KCNH8: variants seen among roughly 807,000 people sequenced by gnomAD.
The protein encoded by KCNH8 is potassium voltage-gated channel subfamily H member 8.
In KCNH8, 70 loss-of-function variants were observed where a neutral mutation model predicts 103.6. The ratio of observed to expected loss-of-function variants is 0.68; its 90% CI spans 0.56 to 0.82. The LOEUF (loss-of-function observed/expected upper bound fraction) is 0.82, where lower values mean the gene tolerates loss of function less well. KCNH8 is among the 40% of genes least tolerant of loss of function. KCNH8 has a pLI of 0.00. For synonymous variants in KCNH8, 498 were observed against 489.4 expected (o/e 1.02, Z -0.23); for missense variants, 1,217 against 1,329.9 (o/e 0.92, Z 1.32).
At chr3:19,500,900 A>G (rs2068566657) in intron 11 of KCNH8, among the ~76,000 whole-genome samples, 1 of 152,158 alleles carries the variant, frequency 6.6e-6, no homozygotes, top group African/African-American at 2.4e-5. Flanking sequence ...TTCAAAAGCT[A>G]GCAGAAGGCA....
chr3:19,198,104 G>A (rs983020203), intron 1 of KCNH8, among the ~76,000 whole-genome samples: 1 of 152,000 alleles, frequency 6.6e-6, no homozygotes, highest in Non-Finnish European at 1.5e-5. Flanking sequence ...AACATTTATT[G>A]AGTATTCGTC....
chr3:19,454,361 T>C (rs540502551), intron 10 of KCNH8, among the ~76,000 whole-genome samples: 15 of 152,136 alleles, frequency 9.9e-5, no homozygotes, highest in Non-Finnish European at 1.9e-4. Context: ...TTTTTATTGA[T>C]TTTCCTTAGT....
intron 3 of KCNH8, among the ~76,000 whole-genome samples, chr3:19,340,359 T>TAA (rs1553639404): frequency 1.4e-4 from 9 of 63,384 alleles, no homozygotes; most frequent in African/African-American, 3.2e-4. Flanking sequence ...TTTTTTTAAT[T>TAA]TTTTTTTTTT....
chr3:19,203,961 T>C (rs1456489012), intron 1 of KCNH8, among the ~76,000 whole-genome samples: 1 of 152,154 alleles, frequency 6.6e-6, no homozygotes, highest in African/African-American at 2.4e-5. Flanking sequence ...GTGCCAATTT[T>C]ATTTTTAGAA....
intron 1 of KCNH8, among the ~76,000 whole-genome samples, chr3:19,204,024 A>G (rs1254915262): frequency 6.6e-6 from 1 of 152,094 alleles, no homozygotes; most frequent in East Asian, 1.9e-4. Flanking sequence ...TGCTTCACCA[A>G]TATATTTTAA....
At chr3:19,422,226 A>G (rs1293631100) in intron 7 of KCNH8, among the ~76,000 whole-genome samples, 1 of 152,118 alleles carries the variant, frequency 6.6e-6, no homozygotes, top group Non-Finnish European at 1.5e-5. Context: ...ACATGTACAG[A>G]TCATGGTATT....
chr3:19,236,524 A>G (rs1256973518), intron 1 of KCNH8, among the ~76,000 whole-genome samples: 2 of 152,198 alleles, frequency 1.3e-5, no homozygotes, highest in Admixed American at 1.3e-4. Flanking sequence ...TTGAAGGTGG[A>G]GTAAGAGGGC....
chr3:19,286,465 G>A (rs978420589), intron 3 of KCNH8, among the ~76,000 whole-genome samples: 1 of 152,098 alleles, frequency 6.6e-6, no homozygotes, highest in African/African-American at 2.4e-5. Flanking sequence ...AAACCAACCT[G>A]CCAAACCAAC....
chr3:19,426,104 T>C (rs1323379051), intron 7 of KCNH8, among the ~76,000 whole-genome samples: 3 of 152,156 alleles, frequency 2.0e-5, no homozygotes, highest in Non-Finnish European at 4.4e-5. Flanking sequence ...CACCAAGGCC[T>C]GGGATAGCCA....
At chr3:19,197,561 A>C (rs146913510) in intron 1 of KCNH8, among the ~76,000 whole-genome samples, 146 of 151,994 alleles carry the variant, frequency 9.6e-4, no homozygotes, top group Non-Finnish European at 1.6e-3. Context: ...TTAGTGCAGT[A>C]GTTAAGAATA....
Position 19,296,516 on chromosome 3 carries a change from A to G in KCNH8, c.442+15187A>G, listed in dbSNP as rs370409205. Among the ~76,000 whole-genome samples, 153 of 152,336 alleles carry G rather than the reference A, an allele frequency of 1.0e-3. 3 individuals carry two copies. The highest frequency in any genetic ancestry group is 3.2e-3 in the African/African-American group (135 of 41,580). ...ATGCATTCCTTTCCTCTTCTAGACT[A>G]TGAGCTCTGTGAAAACAGATGCCAT... On this transcript the variant is annotated intron_variant, in intron 3 of 15. Transcript: ENST00000328405.
chr3:19,472,654 C>T (rs185490430), intron 11 of KCNH8, among the ~76,000 whole-genome samples: 1 of 152,210 alleles, frequency 6.6e-6, no homozygotes, highest in East Asian at 1.9e-4. Flanking sequence ...ATGTCTTTTT[C>T]AGCAGCATGA....
At chr3:19,393,716 G>A (rs2066472216) in intron 6 of KCNH8, among the ~76,000 whole-genome samples, 1 of 151,990 alleles carries the variant, frequency 6.6e-6, no homozygotes, top group Admixed American at 6.6e-5. Flanking sequence ...TAGCTATAAA[G>A]GAGAAGAAAG....
At chr3:19,509,533 G>A (rs2068748608) in intron 11 of KCNH8, among the ~76,000 whole-genome samples, 1 of 152,140 alleles carries the variant, frequency 6.6e-6, no homozygotes, top group Non-Finnish European at 1.5e-5. Context: ...CATGGTAGGT[G>A]CATGTTTTTA....
intron 6 of KCNH8, among the ~76,000 whole-genome samples, chr3:19,393,117 G>A (rs2066463910): frequency 6.6e-6 from 1 of 151,912 alleles, no homozygotes; most frequent in Non-Finnish European, 1.5e-5. Flanking sequence ...GGGGTTTGAT[G>A]AATGCACCTG....
At chr3:19,190,660 G>A (rs1203256000) in intron 1 of KCNH8, among the ~76,000 whole-genome samples, 1 of 151,928 alleles carries the variant, frequency 6.6e-6, no homozygotes. Context: ...TAATGTGGAA[G>A]AAAGTAGGAT....
chr3:19,397,524 T>G (rs144591400), intron 7 of KCNH8, among the ~76,000 whole-genome samples: 4 of 149,742 alleles, frequency 2.7e-5, no homozygotes, highest in African/African-American at 7.3e-5. Context: ...TATATACGTG[T>G]GTATATATAC....
chr3:19,348,489 A>C (rs1361369856), intron 5 of KCNH8, among the ~76,000 whole-genome samples: 1 of 152,114 alleles, frequency 6.6e-6, no homozygotes, highest in Non-Finnish European at 1.5e-5. Flanking sequence ...AAAAGGCCCC[A>C]AAGGATGTTT....
At chr3:19,344,545 A>C (rs2065703937) in intron 4 of KCNH8, among the ~76,000 whole-genome samples, 2 of 152,090 alleles carry the variant, frequency 1.3e-5, no homozygotes, top group South Asian at 4.1e-4. Flanking sequence ...AGTGACTCTA[A>C]TACTACAGGT....
Sources: gnomAD v4.1 joint callset for allele counts (sites outside exome capture counted in the v4.1 genomes callset) on GRCh38, gnomAD v4.1.1 for gene constraint, MANE v1.5 for transcripts, NCBI Gene and HGNC (gene_info 2026-07-23, HGNC 2026-07-21) for gene names.